ANKRD42: variants seen among roughly 807,000 people sequenced by gnomAD.
ANKRD42 encodes ankyrin repeat domain-containing protein 42.
In ANKRD42, 43 loss-of-function variants were observed where a neutral mutation model predicts 51.5. The ratio of observed to expected loss-of-function variants is 0.83; its 90% CI spans 0.65 to 1.08. ANKRD42 has a LOEUF of 1.08. Among genes scored for constraint, ANKRD42 ranks in the 50% least tolerant of loss-of-function variants. The probability of loss-of-function intolerance (pLI) is 0.00; values close to 1 mark genes in which losing one functional copy is unlikely to be tolerated. For missense variants in ANKRD42, 608 were observed against 629.3 expected (o/e 0.97, Z 0.36); for synonymous variants, 203 against 213.0 (o/e 0.95, Z 0.41).
intron 1 of ANKRD42, among the ~76,000 whole-genome samples, chr11:83,195,891 C>G (rs1861632362): frequency 6.7e-6 from 1 of 148,596 alleles, no homozygotes. Context: ...GTCCCCCATG[C>G]TGGAGTGCAG....
chr11:83,260,496 A>C (rs1052955955), downstream of ANKRD42: 1 of 152,246 alleles, frequency 6.6e-6, no homozygotes, highest in Non-Finnish European at 1.5e-5. Flanking sequence ...TTTTCTTTTG[A>C]AAACAAACCA....
intron 7 of ANKRD42, among the ~76,000 whole-genome samples, chr11:83,228,698 A>T (rs1862973667): frequency 2.6e-5 from 4 of 152,208 alleles, no homozygotes; most frequent in Non-Finnish European, 5.9e-5. Context: ...TCCATAATGT[A>T]TCTCAAAGTA....
At chr11:83,207,828 G>A (rs982992553) in intron 3 of ANKRD42, among the ~76,000 whole-genome samples, 2 of 152,172 alleles carry the variant, frequency 1.3e-5, no homozygotes, top group Non-Finnish European at 2.9e-5. Context: ...GCTGTGTTCA[G>A]GGGATATACC....
chr11:83,263,152 T>A (rs191542080), downstream of ANKRD42, among the ~76,000 whole-genome samples: 16 of 152,288 alleles, frequency 1.1e-4, no homozygotes, highest in African/African-American at 3.9e-4. Context: ...ACTGTGACAC[T>A]TGAAAGACTC....
chr11:83,255,827 C>T, intron 11 of ANKRD42: 1 of 1,511,400 alleles, frequency 6.6e-7, no homozygotes, highest in Non-Finnish European at 8.8e-7. Context: ...ATTTGACCCT[C>T]TTTTCCTTTG....
intron 1 of ANKRD42, among the ~76,000 whole-genome samples, chr11:83,195,935 T>G (rs374969212): frequency 1.1e-4 from 17 of 151,240 alleles, no homozygotes; most frequent in African/African-American, 3.9e-4. Context: ...AATCTCCGCC[T>G]TCCAGGTTCA....
intron 5 of ANKRD42, chr11:83,215,244 G>A (rs1262131858): frequency 6.6e-6 from 1 of 151,990 alleles, no homozygotes; most frequent in African/African-American, 2.4e-5. Context: ...TATATACCCA[G>A]TAGTGGAATT....
intron 5 of ANKRD42, among the ~76,000 whole-genome samples, chr11:83,217,190 A>T (rs997494345): frequency 6.6e-6 from 1 of 152,174 alleles, no homozygotes; most frequent in Non-Finnish European, 1.5e-5. Context: ...TAGAAAGGGG[A>T]GGAGCCCAGG....
At chr11:83,225,807 G>GAATAA (rs1862864323) in intron 6 of ANKRD42, among the ~76,000 whole-genome samples, 4 of 138,126 alleles carry the variant, frequency 2.9e-5, no homozygotes, top group Non-Finnish European at 6.2e-5. Context: ...AAAAAAAAAG[G>GAATAA]AATAAAATAT....
chr11:83,213,410 T>A, intron 5 of ANKRD42: 2 of 1,552,496 alleles, frequency 1.3e-6, no homozygotes, highest in Non-Finnish European at 1.7e-6. Flanking sequence ...AATAGACAGC[T>A]CATGTGCATG....
rs138224683 is a variant in ANKRD42, at chr11:83,227,987, G to C, written c.913+115G>C. ...CATGAAACTTTTTTCTGATACCCTA[G>C]CAGATATCAGTCTATCTTGTATGGT... is the stretch of plus-strand genomic sequence containing the variant. On this transcript the variant is annotated intron_variant, in intron 7 of 10. Coordinates refer to ENST00000533342, the MANE Select transcript of ANKRD42 (RefSeq NM_001300975.2). The C allele has an allele frequency of 3.8e-5, 46 of 1,196,488 alleles. No homozygotes were observed. The African/African-American group carries it at 6.3e-4, about 16-fold the overall frequency. The allele number at this position is 1,196,488 out of a possible 1,614,324, so 74.1% of individuals were successfully genotyped here. A position where few individuals can be genotyped will look rare whatever the true frequency, so the allele number is the denominator to read the frequency against.
intron 8 of ANKRD42, among the ~76,000 whole-genome samples, chr11:83,240,281 G>A (rs558163296): frequency 2.3e-4 from 35 of 152,252 alleles, no homozygotes; most frequent in African/African-American, 6.7e-4. Context: ...TTTCAAAGCC[G>A]TACCAAATGC....
At position 83,194,693 on chromosome 11, in the gene ANKRD42, G is replaced by T. The variant is rs768990030; in HGVS notation, c.23G>T (p.Gly8Val). MPGVANS[G>V]PSTSSRETAN... ...GCCATGCCCGGGGTGGCCAATTCAG[G>T]CCCCTCCACTTCCTCTAGGGAGACT... Residue 8 changes from glycine to valine, a missense_variant, in exon 1 of 11, where the codon GGC becomes GTC. Coordinates refer to ENST00000533342, the MANE Select transcript of ANKRD42 (RefSeq NM_001300975.2). 6.2e-7 allele frequency: 1 copy of T among 1,612,930 alleles called. No homozygotes were observed. Among genetic ancestry groups the T allele is most frequent in the East Asian group, 2.2e-5 (1 of 44,870 alleles).
intron 11 of ANKRD42, among the ~76,000 whole-genome samples, chr11:83,254,794 A>G (rs1278473669): frequency 3.9e-5 from 6 of 152,146 alleles, no homozygotes; most frequent in Admixed American, 3.9e-4. Flanking sequence ...CAGTTGTATC[A>G]TATGCTAAGT....
intron 8 of ANKRD42, among the ~76,000 whole-genome samples, chr11:83,239,515 G>A (rs528957434): frequency 2.6e-5 from 4 of 152,238 alleles, no homozygotes; most frequent in African/African-American, 9.6e-5. Flanking sequence ...TCTTTTAGAA[G>A]TTAGTGTTAG....
At chr11:83,255,642 C>T (rs1029862173) in intron 11 of ANKRD42, among the ~76,000 whole-genome samples, 2 of 152,128 alleles carry the variant, frequency 1.3e-5, no homozygotes, top group Non-Finnish European at 1.5e-5. Flanking sequence ...TAAGGTGCCT[C>T]CTAGTGATAT....
chr11:83,238,172 T>C (rs1193439332), intron 8 of ANKRD42, among the ~76,000 whole-genome samples: 1 of 152,214 alleles, frequency 6.6e-6, no homozygotes, highest in African/African-American at 2.4e-5. Flanking sequence ...TAGAATTCCA[T>C]AGCATTCCAT....
chr11:83,217,768 T>G (rs183196227), intron 5 of ANKRD42, among the ~76,000 whole-genome samples: 2 of 152,344 alleles, frequency 1.3e-5, no homozygotes, highest in Admixed American at 1.3e-4. Context: ...TGTTTCTGGT[T>G]GGACAATCTT....
At chr11:83,209,464 C>T (rs766061627) in intron 3 of ANKRD42, 64 of 1,444,984 alleles carry the variant, frequency 4.4e-5, no homozygotes, top group Non-Finnish European at 5.7e-5. Context: ...ATCGACATGT[C>T]GTGCTGCCCA....
Sources: allele counts gnomAD v4.1 joint callset (sites outside exome capture counted in the v4.1 genomes callset), GRCh38; gene constraint gnomAD v4.1.1; transcripts MANE v1.5; gene names NCBI Gene and HGNC (gene_info 2026-07-23, HGNC 2026-07-21).